The following HNRNPM variants were observed in gnomAD, a reference collection of about 807,000 sequenced individuals.
HNRNPM encodes heterogeneous nuclear ribonucleoprotein M, also known as CEA receptor.
A neutral mutation model predicts 73.1 loss-of-function variants in HNRNPM; 11 were observed. The ratio of observed to expected loss-of-function variants is 0.15; its 90% CI spans 0.09 to 0.25. The LOEUF is 0.25. Among genes scored for constraint, HNRNPM ranks in the 10% least tolerant of loss-of-function variants. The pLI is 1.00. For missense variants in HNRNPM, 789 were observed against 1,067.9 expected, an observed-to-expected ratio of 0.74 and a Z score of 3.64; for synonymous variants, 407 against 355.2, an observed-to-expected ratio of 1.15 and a Z score of -1.64.
In HNRNPM at chr19:8,463,632, T is replaced by C; in HGVS notation, c.384T>C (p.Ala128=). 1.9e-6 allele frequency: 3 copies of C among 1,614,098 alleles called. No homozygotes were observed. Among genetic ancestry groups the C allele is most frequent in the Non-Finnish European group, 2.5e-6 (3 of 1,179,956 alleles). Residue 128 remains alanine (A), a synonymous_variant, in exon 5 of 16, where the codon GCT becomes GCC. Coordinates refer to ENST00000325495, the MANE Select transcript of HNRNPM (RefSeq NM_005968.5). ...EFKMEESMKK[A]AEVLNKHSLS... The stretch of plus-strand genomic sequence containing the variant: ...AGATGGAAGAGAGCATGAAAAAAGC[T>C]GCGGAAGTCCTAAACAAGCATAGTC...
chr19:8,479,686 C>T lies in HNRNPM; in HGVS notation c.1121-3472C>T, dbSNP rs139437140. On this transcript the variant is annotated intron_variant, in intron 12 of 15. Transcript: ENST00000325495. ...TACAAATTCCTGGGCTCAAGTGATC[C>T]TCCCGCCTTGGCCTCCCAAGGTGCT... is the stretch of plus-strand genomic sequence containing the variant. Among the ~76,000 whole-genome samples the T allele has an allele frequency of 5.6e-3, 854 of 151,604 alleles. 12 individuals are homozygous for T. Among genetic ancestry groups the T allele is most frequent in the African/African-American group, 0.02 (815 of 41,276 alleles).
At chr19:8,477,214 G>A (rs1418821463) in intron 12 of HNRNPM, among the ~76,000 whole-genome samples, 2 of 152,110 alleles carry the variant, frequency 1.3e-5, no homozygotes, top group African/African-American at 2.4e-5. Context: ...CAAGGACCTC[G>A]CAGCATGAAA....
chr19:8,486,515 T>A, intron 14 of HNRNPM, 110 bp downstream of exon 14: 1 of 866,456 alleles, frequency 1.2e-6, no homozygotes, highest in Non-Finnish European at 1.7e-6. Flanking sequence ...GGACCACACC[T>A]CCTTGCCACT....
At chr19:8,478,121 T>C (rs974836885) in intron 12 of HNRNPM, among the ~76,000 whole-genome samples, 1 of 152,238 alleles carries the variant, frequency 6.6e-6, no homozygotes, top group Non-Finnish European at 1.5e-5. Flanking sequence ...GTTACTGTGG[T>C]AGCGAATGCT....
intron 9 of HNRNPM, among the ~76,000 whole-genome samples, chr19:8,469,762 G>A (rs1599801618): frequency 6.6e-6 from 1 of 152,230 alleles, no homozygotes; most frequent in Non-Finnish European, 1.5e-5. Flanking sequence ...TGTGTGTGCT[G>A]TGCTGGGGTG....
At chr19:8,448,025 TCAAACAAA>T (rs369080671) in intron 1 of HNRNPM, among the ~76,000 whole-genome samples, 1 of 152,116 alleles carries the variant, frequency 6.6e-6, no homozygotes, top group Non-Finnish European at 1.5e-5. Flanking sequence ...TACTCCTTCT[TCAAACAAA>T]CAAACAAACA....
intron 1 of HNRNPM, among the ~76,000 whole-genome samples, chr19:8,453,794 C>T (rs1346245464): frequency 2.0e-5 from 3 of 152,176 alleles, no homozygotes; most frequent in African/African-American, 2.4e-5. Flanking sequence ...AGAGGGGTTG[C>T]GCTTGAGCTG....
At position 8,486,308 on chromosome 19, in the gene HNRNPM, G is replaced by A. The variant is rs373522224; in HGVS notation, c.1880G>A (p.Arg627His). ...TTTGACCGTGCCATCGAGATGGAGCGTGGCAACTTCGGAGGAAGCTTCGCA... is the reference window on the plus strand; with the variant it reads ...TTTGACCGTGCCATCGAGATGGAGCATGGCAACTTCGGAGGAAGCTTCGCA... ...ASFDRAIEMERGNFGGSFAGS... is the reference protein window; with the variant it reads ...ASFDRAIEMEHGNFGGSFAGS... Residue 627 changes from arginine to histidine, a missense_variant, in exon 14 of 16, where the codon CGT becomes CAT. This residue lies in a region of HNRNPM where 604 missense variants were observed against 744.0 expected (regional missense o/e 0.81). Transcript: ENST00000325495. 5.4e-5 allele frequency: 86 copies of A among 1,600,244 alleles called. No homozygotes were observed. The highest frequency in any genetic ancestry group is 7.2e-5 in the Non-Finnish European group (85 of 1,179,882).
chr19:8,450,105 T>A (rs181520055), intron 1 of HNRNPM, among the ~76,000 whole-genome samples: 3 of 152,258 alleles, frequency 2.0e-5, no homozygotes. Flanking sequence ...GCTGGAATGG[T>A]GCTGTGAATA....
At chr19:8,478,251 A>G (rs895555362) in intron 12 of HNRNPM, among the ~76,000 whole-genome samples, 4 of 152,164 alleles carry the variant, frequency 2.6e-5, no homozygotes, top group Non-Finnish European at 5.9e-5. Flanking sequence ...TTTTTAGGGA[A>G]TGAAGAATGA....
chr19:8,470,634 C>T (rs149096929), intron 9 of HNRNPM, among the ~76,000 whole-genome samples: 11 of 152,114 alleles, frequency 7.2e-5, no homozygotes, highest in African/African-American at 1.9e-4. Flanking sequence ...GCCCTTGTTA[C>T]GATTTTTAAA....
chr19:8,464,326 A>T (rs564464677), intron 5 of HNRNPM, among the ~76,000 whole-genome samples: 4 of 152,328 alleles, frequency 2.6e-5, no homozygotes, highest in Non-Finnish European at 4.4e-5. Flanking sequence ...CTTGAGGAAG[A>T]AGGTTTTTTT....
chr19:8,483,225 A>C lies in HNRNPM; in HGVS notation c.1174+14A>C, dbSNP rs1205770129. On this transcript the variant is annotated intron_variant, in intron 13 of 15. Transcript: ENST00000325495. ...AGCAGGGAGGAGGTAGGAACCGCTT[A>C]GTTTGATGTTTTGTTTTTTTAGAAC... 6.2e-7 allele frequency: 1 copy of C among 1,603,360 alleles called. No homozygotes were observed. The highest frequency in any genetic ancestry group is 1.7e-5 in the Admixed American group (1 of 59,946).
intron 2 of HNRNPM, among the ~76,000 whole-genome samples, chr19:8,456,107 C>T (rs1969004452): frequency 6.6e-6 from 1 of 151,988 alleles, no homozygotes; most frequent in Non-Finnish European, 1.5e-5. Context: ...GCTTTTTCCC[C>T]TCTGGGAAAA....
At chr19:8,459,339 C>T (rs753627785) in intron 2 of HNRNPM, among the ~76,000 whole-genome samples, 3 of 152,194 alleles carry the variant, frequency 2.0e-5, no homozygotes, top group Non-Finnish European at 2.9e-5. Context: ...GAAGCAGTAA[C>T]GTTCTGTTAT....
chr19:8,469,668 G>T (rs1442825059), intron 9 of HNRNPM, among the ~76,000 whole-genome samples: 1 of 152,218 alleles, frequency 6.6e-6, no homozygotes, highest in East Asian at 1.9e-4. Context: ...GAACCTCAGT[G>T]CATACAGCGG....
Position 8,485,632 on chromosome 19 carries a change from G to C in HNRNPM, c.1204G>C (p.Glu402Gln). The change falls in exon 14 of 16, where the codon GAG becomes CAG. Residue 402 changes from glutamate to glutamine, a missense_variant. Physicochemically the swap from Glu to Gln is conservative, Grantham distance 29 (BLOSUM62 2). Transcript: ENST00000325495. ...AGGTGGAGGAAGCGTCCCTGGGATC[G>C]AGAGGATGGGTCCTGGCATTGACCG... is the stretch of plus-strand genomic sequence containing the variant. ...GGGGGSVPGI[E>Q]RMGPGIDRLG... is the part of the protein sequence containing the mutation. 1 of 1,603,448 alleles carries C rather than the reference G, an allele frequency of 6.2e-7. No individual in the cohort carries two copies. Among genetic ancestry groups the C allele is most frequent in the Non-Finnish European group, 8.5e-7 (1 of 1,176,380 alleles).
At chr19:8,481,742 G>GT (rs1970930413) in intron 12 of HNRNPM, among the ~76,000 whole-genome samples, 1 of 152,290 alleles carries the variant, frequency 6.6e-6, no homozygotes, top group South Asian at 2.1e-4. Flanking sequence ...ACAAAGCAAA[G>GT]TAAGACGTGT....
rs33965463 is a variant in HNRNPM, at chr19:8,448,473, A to AT, written c.113+3377dup. 3.2e-3 allele frequency among the ~76,000 whole-genome samples: 451 copies of AT among 142,614 alleles called. 3 individuals are homozygous for AT. Among genetic ancestry groups the AT allele is most frequent in the East Asian group, 0.031 (153 of 4,956 alleles). 93.6% of individuals were successfully genotyped at this position (142,614 alleles called of 152,430 possible). A position where few individuals can be genotyped will look rare whatever the true frequency, so the allele number is the denominator to read the frequency against. ...CTTAACCTGCTCCCCTTCCTGAGTA[A>AT]TTTTTTTTTTTTTTTGAGATGGAGT... is the stretch of plus-strand genomic sequence containing the variant. On this transcript the variant is annotated intron_variant, in intron 1 of 15. Coordinates refer to ENST00000325495, the MANE Select transcript of HNRNPM (RefSeq NM_005968.5).
Sources: allele counts gnomAD v4.1 joint callset (sites outside exome capture counted in the v4.1 genomes callset), GRCh38; gene constraint gnomAD v4.1.1; regional missense constraint gnomAD v4.1.1; transcripts MANE v1.5; gene names NCBI Gene and HGNC (gene_info 2026-07-23, HGNC 2026-07-21).